CHODL: variants seen among roughly 807,000 people sequenced by gnomAD.
CHODL encodes transmembrane protein MT75.
Under a neutral mutation model 34.5 loss-of-function variants are expected in CHODL, and 29 were observed. The observed-to-expected ratio is 0.84, with a 90% CI of 0.63 to 1.15. The LOEUF is 1.15. Ranked by LOEUF, CHODL falls within the 50% of genes most tolerant of loss-of-function variation. The pLI, the probability that CHODL is intolerant of heterozygous loss-of-function variation, is 0.00. For missense variants in CHODL, 332 were observed against 332.5 expected (o/e 1.00, Z 0.01); for synonymous variants, 125 against 116.1 (o/e 1.08, Z -0.49).
intron 2 of CHODL, among the ~76,000 whole-genome samples, chr21:18,154,149 C>T (rs17002404): frequency 0.026 from 3,996 of 152,130 alleles, 176 homozygotes; most frequent in African/African-American, 0.092. Flanking sequence ...TAATTTTATT[C>T]GGTATAGGAA....
intron 2 of CHODL, among the ~76,000 whole-genome samples, chr21:18,161,443 C>T (rs983197893): frequency 1.3e-5 from 2 of 151,980 alleles, no homozygotes; most frequent in African/African-American, 2.4e-5. Context: ...CAATGCTTTC[C>T]AGCTTCTTTC....
At chr21:17,918,620 T>C (rs891312712) in intron 1 of CHODL, among the ~76,000 whole-genome samples, 33 of 152,116 alleles carry the variant, frequency 2.2e-4, no homozygotes, top group African/African-American at 7.7e-4. Context: ...TAAGATGAGA[T>C]ATGGGTGGGG....
At chr21:17,944,559 C>T (rs1290404353) in intron 1 of CHODL, among the ~76,000 whole-genome samples, 1 of 152,156 alleles carries the variant, frequency 6.6e-6, no homozygotes, top group African/African-American at 2.4e-5. Flanking sequence ...ATAAGTGTCT[C>T]CATCTAACTT....
At chr21:18,157,034 T>G (rs1031207597) in intron 2 of CHODL, among the ~76,000 whole-genome samples, 3 of 152,206 alleles carry the variant, frequency 2.0e-5, no homozygotes, top group Non-Finnish European at 4.4e-5. Context: ...GTTTAAGTGT[T>G]GCGGCGAAGA....
intron 2 of CHODL, among the ~76,000 whole-genome samples, chr21:18,183,355 G>T (rs1440609042): frequency 6.6e-6 from 1 of 152,190 alleles, no homozygotes; most frequent in Admixed American, 6.5e-5. Context: ...TGCCATTTGG[G>T]ATAAATTGTG....
chr21:18,003,078 C>G (rs901092967), intron 1 of CHODL, among the ~76,000 whole-genome samples: 1 of 149,664 alleles, frequency 6.7e-6, no homozygotes, highest in African/African-American at 2.5e-5. Flanking sequence ...GAGCCGAGAT[C>G]GCGCCACTGC....
chr21:18,191,333 G>C (rs1296008101), intron 2 of CHODL, among the ~76,000 whole-genome samples: 2 of 152,096 alleles, frequency 1.3e-5, no homozygotes, highest in African/African-American at 4.8e-5. Context: ...ATTTTGCTGA[G>C]TCAGTTGAAG....
intron 2 of CHODL, among the ~76,000 whole-genome samples, chr21:18,051,440 A>G (rs2064515334): frequency 1.3e-5 from 2 of 148,370 alleles, no homozygotes; most frequent in Admixed American, 6.8e-5. Context: ...GATGTTGGAC[A>G]TTTATATGTG....
At chr21:17,967,943 C>T (rs919760257) in intron 1 of CHODL, among the ~76,000 whole-genome samples, 14 of 152,134 alleles carry the variant, frequency 9.2e-5, no homozygotes, top group Admixed American at 2.6e-4. Flanking sequence ...GTAGTTCAAT[C>T]TTGGTCCCTT....
At chr21:18,063,485 A>C (rs938739530) in intron 2 of CHODL, among the ~76,000 whole-genome samples, 1 of 152,178 alleles carries the variant, frequency 6.6e-6, no homozygotes, top group Non-Finnish European at 1.5e-5. Flanking sequence ...TCTAGGAAAA[A>C]AATTGATTGA....
At chr21:18,230,537 T>C (rs1007983251) in intron 2 of CHODL, among the ~76,000 whole-genome samples, 2 of 152,146 alleles carry the variant, frequency 1.3e-5, no homozygotes, top group African/African-American at 4.8e-5. Context: ...GATTTTGTTA[T>C]TTGAGATGCT....
chr21:18,136,105 C>A (rs76280964), intron 2 of CHODL, among the ~76,000 whole-genome samples: 121 of 89,436 alleles, frequency 1.4e-3, no homozygotes, highest in Middle Eastern at 7.5e-3. Context: ...GATTATGTCT[C>A]AAAAAAAAAA....
chr21:17,926,711 G>T (rs890519848), intron 1 of CHODL, among the ~76,000 whole-genome samples: 1 of 152,096 alleles, frequency 6.6e-6, no homozygotes, highest in African/African-American at 2.4e-5. Flanking sequence ...CCCTTGACAC[G>T]TGGATTATAG....
intron 2 of CHODL, among the ~76,000 whole-genome samples, chr21:18,077,911 T>C (rs2064886056): frequency 6.6e-6 from 1 of 152,182 alleles, no homozygotes; most frequent in South Asian, 2.1e-4. Context: ...CAACCCCTGC[T>C]AGGGATGGAC....
chr21:18,064,854 A>G (rs1004195836), intron 2 of CHODL, among the ~76,000 whole-genome samples: 1 of 152,206 alleles, frequency 6.6e-6, no homozygotes, highest in Non-Finnish European at 1.5e-5. Flanking sequence ...GGATAACTCT[A>G]ATACAATAAT....
chr21:17,994,335 G>A (rs1202701795), intron 1 of CHODL, among the ~76,000 whole-genome samples: 1 of 152,160 alleles, frequency 6.6e-6, no homozygotes, highest in Non-Finnish European at 1.5e-5. Context: ...CTGGTGGTGT[G>A]TATGTCTTCA....
At chr21:18,034,790 T>G (rs567483705) in intron 2 of CHODL, among the ~76,000 whole-genome samples, 1 of 152,168 alleles carries the variant, frequency 6.6e-6, no homozygotes, top group East Asian at 1.9e-4. Context: ...GAGACTGAAG[T>G]TCTTTCTCCA....
chr21:18,255,933 A>G (rs549042332), intron 1 of CHODL, among the ~76,000 whole-genome samples: 9 of 152,066 alleles, frequency 5.9e-5, no homozygotes, highest in Admixed American at 4.6e-4. Flanking sequence ...CTTCCAATGT[A>G]ATATTATATT....
intron 2 of CHODL, among the ~76,000 whole-genome samples, chr21:18,089,932 A>G (rs1446225115): frequency 6.6e-6 from 1 of 152,250 alleles, no homozygotes; most frequent in African/African-American, 2.4e-5. Flanking sequence ...AGATTGCAAG[A>G]TAAATGAATA....
Sources: allele counts gnomAD v4.1 joint callset (sites outside exome capture counted in the v4.1 genomes callset), GRCh38; gene constraint gnomAD v4.1.1; transcripts MANE v1.5; gene names NCBI Gene and HGNC (gene_info 2026-07-23, HGNC 2026-07-21).